Variants in COG5 observed in about 807,000 individuals in gnomAD.
The protein encoded by COG5 is component of oligomeric golgi complex 5, also known as conserved oligomeric Golgi complex subunit 5.
A neutral mutation model predicts 110.4 loss-of-function variants in COG5; 86 were observed. The ratio of observed to expected loss-of-function variants is 0.78; its 90% CI spans 0.65 to 0.93. The LOEUF (loss-of-function observed/expected upper bound fraction) is 0.93, where lower values mean the gene tolerates loss of function less well. COG5 is among the 40% of genes least tolerant of loss of function. The pLI is 0.00. For missense variants in COG5, 1,077 were observed against 987.0 expected, an observed-to-expected ratio of 1.09 and a Z score of -1.22; for synonymous variants, 360 against 334.6, an observed-to-expected ratio of 1.08 and a Z score of -0.83.
intron 7 of COG5, among the ~76,000 whole-genome samples, chr7:107,403,570 G>A (rs1333522573): frequency 6.6e-6 from 1 of 151,472 alleles, no homozygotes; most frequent in African/African-American, 2.4e-5. Context: ...CCCGGTGTGT[G>A]ATGTTCCCTT....
At chr7:107,431,684 G>A (rs1453963559) in intron 6 of COG5, among the ~76,000 whole-genome samples, 5 of 152,026 alleles carry the variant, frequency 3.3e-5, no homozygotes, top group African/African-American at 1.2e-4. Context: ...CACCCAGGCT[G>A]GATTGCAATG....
chr7:107,324,178 T>C (rs1386143793), intron 11 of COG5, among the ~76,000 whole-genome samples: 1 of 152,180 alleles, frequency 6.6e-6, no homozygotes, highest in East Asian at 1.9e-4. Flanking sequence ...GTTCTTCTGA[T>C]GTCTGAATAA....
intron 6 of COG5, among the ~76,000 whole-genome samples, chr7:107,508,092 C>A (rs570233082): frequency 6.6e-6 from 1 of 152,210 alleles, no homozygotes; most frequent in South Asian, 2.1e-4. Context: ...TTGCCTCACT[C>A]GGGAAGAGCA....
intron 10 of COG5, among the ~76,000 whole-genome samples, chr7:107,335,147 T>C (rs1239549944): frequency 6.6e-6 from 1 of 152,228 alleles, no homozygotes; most frequent in Non-Finnish European, 1.5e-5. Flanking sequence ...TTTGTATCTT[T>C]TGTCATCTAA....
intron 10 of COG5, among the ~76,000 whole-genome samples, chr7:107,339,928 A>G (rs1811036578): frequency 6.6e-6 from 1 of 152,098 alleles, no homozygotes; most frequent in African/African-American, 2.4e-5. Context: ...ATCTCTCATT[A>G]ATCATTTAAC....
chr7:107,214,110 GACA>G (rs1355480157), intron 19 of COG5, among the ~76,000 whole-genome samples: 1 of 152,096 alleles, frequency 6.6e-6, no homozygotes, highest in Non-Finnish European at 1.5e-5. Context: ...TGGAAATGGA[GACA>G]ACAACAACTG....
intron 10 of COG5, among the ~76,000 whole-genome samples, chr7:107,326,330 A>C (rs1809763947): frequency 6.6e-6 from 1 of 152,154 alleles, no homozygotes; most frequent in Non-Finnish European, 1.5e-5. Context: ...AAAAGAAATA[A>C]AAAGCATCCA....
rs1254346779 is a variant in COG5 at position 107,342,100 on chromosome 7, G to A, written c.1027-17579C>T. 5.3e-5 allele frequency among the ~76,000 whole-genome samples: 8 copies of A among 152,126 alleles called. No homozygotes were observed. The East Asian group carries it at 5.8e-4, about 11-fold the overall frequency. ...GAGTAAACCAACAACCCACACTATA[G>A]AAGGAAATATTCACAAACTATGCAT... On this transcript the variant is annotated intron_variant, in intron 10 of 21. Transcript: ENST00000297135.
chr7:107,317,696 T>C (rs1808878149), intron 11 of COG5, among the ~76,000 whole-genome samples: 1 of 152,138 alleles, frequency 6.6e-6, no homozygotes, highest in Admixed American at 6.6e-5. Flanking sequence ...ACAAAATTAA[T>C]CAGCCCCAAA....
intron 12 of COG5, among the ~76,000 whole-genome samples, chr7:107,292,772 G>A (rs1004681538): frequency 6.6e-6 from 1 of 152,112 alleles, no homozygotes; most frequent in Admixed American, 6.5e-5. Context: ...CAGCACCTGG[G>A]GCCCATTTAG....
chr7:107,325,494 T>C (rs887382365), intron 10 of COG5, among the ~76,000 whole-genome samples: 1 of 151,950 alleles, frequency 6.6e-6, no homozygotes, highest in African/African-American at 2.4e-5. Flanking sequence ...CTACTAAAAA[T>C]ACAAAAATTA....
intron 12 of COG5, among the ~76,000 whole-genome samples, chr7:107,290,811 A>G (rs1230516823): frequency 6.6e-6 from 1 of 151,794 alleles, no homozygotes; most frequent in South Asian, 2.1e-4. Context: ...GTATAGTTGT[A>G]TTTGGGAAGG....
chr7:107,226,697 T>C (rs1236716298), intron 19 of COG5, among the ~76,000 whole-genome samples: 1 of 152,230 alleles, frequency 6.6e-6, no homozygotes, highest in Non-Finnish European at 1.5e-5. Flanking sequence ...ACATTCTTTG[T>C]AGACCAGGGC....
chr7:107,296,498 A>G (rs1806758239), intron 12 of COG5, among the ~76,000 whole-genome samples: 1 of 151,960 alleles, frequency 6.6e-6, no homozygotes, highest in Non-Finnish European at 1.5e-5. Context: ...TGCCTATTAT[A>G]AAAGAGTTAT....
chr7:107,441,124 G>A (rs917699843), intron 6 of COG5, among the ~76,000 whole-genome samples: 2 of 151,574 alleles, frequency 1.3e-5, no homozygotes, highest in Admixed American at 6.6e-5. Flanking sequence ...GCATGGTGGC[G>A]GGAGCCTGTA....
At chr7:107,511,923 A>G (rs949682895) in intron 6 of COG5, among the ~76,000 whole-genome samples, 2 of 152,210 alleles carry the variant, frequency 1.3e-5, no homozygotes, top group Non-Finnish European at 2.9e-5. Flanking sequence ...TCTATGACAC[A>G]TCCACAGCCA....
chr7:107,480,003 A>G (rs1198811771), intron 6 of COG5, among the ~76,000 whole-genome samples: 2 of 152,118 alleles, frequency 1.3e-5, no homozygotes, highest in Admixed American at 6.6e-5. Context: ...CTTTATAAAC[A>G]TATCGTCCTC....
intron 19 of COG5, among the ~76,000 whole-genome samples, chr7:107,226,034 ACAT>A (rs1320174707): frequency 6.6e-6 from 1 of 152,106 alleles, no homozygotes; most frequent in East Asian, 1.9e-4. Flanking sequence ...CAAAAGCGAG[ACAT>A]CATCACACAC....
At chr7:107,339,665 T>A (rs1811015831) in intron 10 of COG5, among the ~76,000 whole-genome samples, 1 of 151,936 alleles carries the variant, frequency 6.6e-6, no homozygotes, top group South Asian at 2.1e-4. Flanking sequence ...GAAATACCCA[T>A]CATAATCTTG....
Sources: allele counts gnomAD v4.1 joint callset (sites outside exome capture counted in the v4.1 genomes callset), GRCh38; gene constraint gnomAD v4.1.1; transcripts MANE v1.5; gene names NCBI Gene and HGNC (gene_info 2026-07-23, HGNC 2026-07-21).